Variants in DSCAM observed in about 807,000 individuals in gnomAD.
DSCAM encodes the protein cell adhesion molecule DSCAM.
A neutral mutation model predicts 217.7 loss-of-function variants in DSCAM; 47 were observed. That is an observed-to-expected ratio of 0.22 (90% CI 0.17 to 0.28). The LOEUF (loss-of-function observed/expected upper bound fraction) is 0.28. Among genes scored for constraint, DSCAM ranks in the 10% least tolerant of loss-of-function variants. DSCAM has a pLI of 1.00. For synonymous variants in DSCAM, 1,056 were observed against 1,015.3 expected, an observed-to-expected ratio of 1.04 and a Z score of -0.76; for missense variants, 2,080 against 2,618.3, an observed-to-expected ratio of 0.79 and a Z score of 4.49.
At chr21:40,699,975 T>C (rs574332101) in intron 2 of DSCAM, among the ~76,000 whole-genome samples, 3 of 152,294 alleles carry the variant, frequency 2.0e-5, no homozygotes, top group South Asian at 2.1e-4. Context: ...AGGATTTTCA[T>C]AGCTAGAGAG....
chr21:40,400,470 G>A (rs1286203892), intron 3 of DSCAM, among the ~76,000 whole-genome samples: 2 of 152,158 alleles, frequency 1.3e-5, no homozygotes, highest in Non-Finnish European at 2.9e-5. Context: ...AATAGTCTTT[G>A]TAAGTAATTG....
intron 15 of DSCAM, among the ~76,000 whole-genome samples, chr21:40,178,052 A>G (rs1206036757): frequency 6.6e-6 from 1 of 152,198 alleles, no homozygotes; most frequent in Non-Finnish European, 1.5e-5. Flanking sequence ...CTTTCCCTAC[A>G]ATAAATGGGC....
chr21:40,183,669 T>C (rs1372612245), intron 14 of DSCAM, among the ~76,000 whole-genome samples: 1 of 152,146 alleles, frequency 6.6e-6, no homozygotes. Context: ...TGTAAGAACT[T>C]GTAGCAGTCA....
intron 1 of DSCAM, among the ~76,000 whole-genome samples, chr21:40,776,076 G>A (rs2091485601): frequency 6.6e-6 from 1 of 151,986 alleles, no homozygotes; most frequent in Non-Finnish European, 1.5e-5. Context: ...ATACCTGAGT[G>A]TTTATGCTTG....
intron 1 of DSCAM, among the ~76,000 whole-genome samples, chr21:40,787,280 T>A (rs1361260779): frequency 6.6e-6 from 1 of 152,194 alleles, no homozygotes; most frequent in Admixed American, 6.5e-5. Context: ...ACCTGAGATA[T>A]CAATTACATC....
intron 1 of DSCAM, among the ~76,000 whole-genome samples, chr21:40,709,606 T>C (rs2090755791): frequency 6.6e-6 from 1 of 152,220 alleles, no homozygotes; most frequent in Non-Finnish European, 1.5e-5. Flanking sequence ...TTTCTGTTCC[T>C]GTGTTAGTTT....
chr21:40,208,141 A>T (rs1309169523), intron 11 of DSCAM, among the ~76,000 whole-genome samples: 2 of 152,174 alleles, frequency 1.3e-5, no homozygotes, highest in African/African-American at 4.8e-5. Flanking sequence ...CCCATCAACA[A>T]ATATTCCTGG....
intron 3 of DSCAM, among the ~76,000 whole-genome samples, chr21:40,531,420 C>G (rs558157550): frequency 1.3e-5 from 2 of 152,226 alleles, no homozygotes; most frequent in African/African-American, 4.8e-5. Context: ...CCTTCTCCAG[C>G]ACCCAGCACA....
rs6517599 is a variant in DSCAM, at chr21:40,536,465, C to G, written c.508+156345G>C. 2.5e-3 allele frequency among the ~76,000 whole-genome samples: 380 copies of G among 150,066 alleles called. 1 individual carries two copies. The highest frequency in any genetic ancestry group is 4.1e-3 in the Non-Finnish European group (277 of 67,574). ...CCCCCAGGCTGGAGTGCAGTGGCGC[C>G]ATCTCGGCTCACTGCAAGCTCCGCC... On this transcript the variant is annotated intron_variant, in intron 3 of 32. Transcript: ENST00000400454.
intron 3 of DSCAM, among the ~76,000 whole-genome samples, chr21:40,495,175 T>A (rs2076107944): frequency 6.6e-6 from 1 of 152,138 alleles, no homozygotes; most frequent in South Asian, 2.1e-4. Context: ...CTAATCCTAA[T>A]CTTCCCCAAA....
At chr21:40,368,090 T>C (rs994293460) in intron 4 of DSCAM, among the ~76,000 whole-genome samples, 1 of 152,212 alleles carries the variant, frequency 6.6e-6, no homozygotes, top group Admixed American at 6.5e-5. Flanking sequence ...TCACCACTTA[T>C]GTCATCATTT....
At chr21:40,550,295 T>A in intron 3 of DSCAM, among the ~76,000 whole-genome samples, 1 of 151,976 alleles carries the variant, frequency 6.6e-6, no homozygotes, top group East Asian at 1.9e-4. Flanking sequence ...GAGGCGGAGG[T>A]GGGCGGATCA....
intron 3 of DSCAM, 67 bp downstream of exon 3, chr21:40,692,743 C>G: frequency 6.5e-7 from 1 of 1,541,508 alleles, no homozygotes; most frequent in Non-Finnish European, 8.9e-7. Flanking sequence ...AGACCCGATT[C>G]CATCTCTGAA....
intron 1 of DSCAM, among the ~76,000 whole-genome samples, chr21:40,838,029 T>C (rs1318849325): frequency 6.6e-6 from 1 of 152,234 alleles, no homozygotes; most frequent in Non-Finnish European, 1.5e-5. Flanking sequence ...TGAAAAGAAT[T>C]GAATCTTGAG....
intron 3 of DSCAM, among the ~76,000 whole-genome samples, chr21:40,398,766 C>G (rs11702336): frequency 0.032 from 4,793 of 151,896 alleles, 131 homozygotes; most frequent in African/African-American, 0.069. Flanking sequence ...TCCCAAGTAG[C>G]TGGGACTACA....
At chr21:40,505,522 G>A (rs1321027353) in intron 3 of DSCAM, among the ~76,000 whole-genome samples, 1 of 152,218 alleles carries the variant, frequency 6.6e-6, no homozygotes, top group African/African-American at 2.4e-5. Flanking sequence ...TACAACAGCT[G>A]GTGGCTTGCT....
intron 11 of DSCAM, among the ~76,000 whole-genome samples, chr21:40,247,339 A>G (rs2073239977): frequency 6.6e-6 from 1 of 152,212 alleles, no homozygotes; most frequent in Non-Finnish European, 1.5e-5. Context: ...TTCACAGTCC[A>G]AAGTCTCATC....
intron 21 of DSCAM, among the ~76,000 whole-genome samples, chr21:40,091,262 C>G (rs1363736990): frequency 6.6e-6 from 1 of 152,104 alleles, no homozygotes; most frequent in Non-Finnish European, 1.5e-5. Flanking sequence ...TGCTTAAAAC[C>G]CTACACCATC....
Position 40,200,445 on chromosome 21 carries a change from C to CAAG in DSCAM, c.2357-11208_2357-11207insCTT, listed in dbSNP as rs2091058508. Among the ~76,000 whole-genome samples the CAAG allele has an allele frequency of 1.8e-4, 28 of 152,288 alleles. No individual in the cohort carries two copies. The South Asian group carries it at 5.8e-3, about 32-fold the overall frequency. ...GGCTCATTTTACTTAGCATAATCTC[C>CAAG]TCAAGGTTCAGTCAAGCTGTAGCCT... On this transcript the variant is annotated intron_variant, in intron 11 of 32. Coordinates refer to ENST00000400454, the MANE Select transcript of DSCAM (RefSeq NM_001389.5).
Sources: allele counts gnomAD v4.1 joint callset (sites outside exome capture counted in the v4.1 genomes callset), GRCh38; gene constraint gnomAD v4.1.1; transcripts MANE v1.5; gene names NCBI Gene and HGNC (gene_info 2026-07-23, HGNC 2026-07-21).